ZCCHC7: variants seen among roughly 807,000 people sequenced by gnomAD.
ZCCHC7 encodes zinc finger CCHC-type containing 7, also known as zinc finger CCHC domain-containing protein 7.
In ZCCHC7, 35 loss-of-function variants were observed where a neutral mutation model predicts 52.0. The observed-to-expected ratio is 0.67, with a 90% CI of 0.51 to 0.89. The LOEUF (loss-of-function observed/expected upper bound fraction) is 0.89. Among genes scored for constraint, ZCCHC7 ranks in the 40% least tolerant of loss-of-function variants. The pLI, the probability that ZCCHC7 is intolerant of heterozygous loss-of-function variation, is 0.00. For missense variants in ZCCHC7, 574 were observed against 649.1 expected, an observed-to-expected ratio of 0.88 and a Z score of 1.26; for synonymous variants, 217 against 221.5, an observed-to-expected ratio of 0.98 and a Z score of 0.18.
rs1829008728 is a variant in ZCCHC7, at chr9:37,301,010, C to T, written c.611-1178C>T. Among the ~76,000 whole-genome samples the T allele has an allele frequency of 2.6e-5, 4 of 151,996 alleles. No homozygotes were observed. In the South Asian group the frequency reaches 8.3e-4, roughly 32 times the overall value. On this transcript the variant is annotated intron_variant, in intron 2 of 8. Transcript: ENST00000336755. ...GCCTCCTTTTTTTTCTTTTATTTTG[C>T]TGTTTTTGATGTTATAAAATACAGT... is the stretch of plus-strand genomic sequence containing the variant.
At chr9:37,158,845 A>C (rs568563912) in intron 2 of ZCCHC7, among the ~76,000 whole-genome samples, 1 of 152,336 alleles carries the variant, frequency 6.6e-6, no homozygotes, top group African/African-American at 2.4e-5. Flanking sequence ...AAAAAATATT[A>C]GTTTGTCTGC....
In ZCCHC7 at chr9:37,286,175, A is replaced by T. The variant is rs183699151; in HGVS notation, c.611-16013A>T. On this transcript the variant is annotated intron_variant, in intron 2 of 8. Coordinates refer to ENST00000336755, the MANE Select transcript of ZCCHC7 (RefSeq NM_032226.3). ...ACTATTAATAAAATAATTTAGGGAG[A>T]TTATATAGCATATTGGTTAAGAGCA... Among the ~76,000 whole-genome samples, 4 of 152,316 alleles carry T rather than the reference A, an allele frequency of 2.6e-5. No individual in the cohort carries two copies. In the East Asian group the frequency reaches 7.7e-4, roughly 29 times the overall value.
intron 2 of ZCCHC7, among the ~76,000 whole-genome samples, chr9:37,150,602 TCA>T (rs1820463137): frequency 6.6e-6 from 1 of 152,152 alleles, no homozygotes; most frequent in Non-Finnish European, 1.5e-5. Context: ...TATTTTTGCA[TCA>T]CACATTAAAA....
At chr9:37,286,136 G>C (rs1014635036) in intron 2 of ZCCHC7, among the ~76,000 whole-genome samples, 1 of 152,168 alleles carries the variant, frequency 6.6e-6, no homozygotes, top group Non-Finnish European at 1.5e-5. Context: ...TTTATTATTA[G>C]AGAAAGTCAG....
intron 2 of ZCCHC7, among the ~76,000 whole-genome samples, chr9:37,230,156 AAAGT>A (rs1259133902): frequency 6.6e-6 from 1 of 152,232 alleles, no homozygotes; most frequent in Non-Finnish European, 1.5e-5. Context: ...ACTTTTTTAA[AAAGT>A]AAGTAGAAGG....
At chr9:37,321,305 CT>C (rs1830045991) in intron 5 of ZCCHC7, among the ~76,000 whole-genome samples, 1 of 151,404 alleles carries the variant, frequency 6.6e-6, no homozygotes, top group African/African-American at 2.4e-5. Context: ...TTTCTTTTTC[CT>C]TTTAAGTAGA....
chr9:37,286,052 T>G (rs912617242), intron 2 of ZCCHC7, among the ~76,000 whole-genome samples: 2 of 152,238 alleles, frequency 1.3e-5, no homozygotes, highest in Non-Finnish European at 2.9e-5. Flanking sequence ...GATGCAATTT[T>G]AAACATGTTT....
At position 37,346,069 on chromosome 9, in the gene ZCCHC7, C is replaced by T. The variant is rs182265976; in HGVS notation, c.988-3288C>T. On this transcript the variant is annotated intron_variant, in intron 6 of 8. Coordinates refer to ENST00000336755, the MANE Select transcript of ZCCHC7 (RefSeq NM_032226.3). ...CCAGGCTAGAGTGCAATGGCACGAT[C>T]TCTGCTCACTGCAACCTCCGCCTCC... Among the ~76,000 whole-genome samples the T allele has an allele frequency of 2.8e-3, 423 of 152,220 alleles. 3 individuals are homozygous for T. The highest frequency in any genetic ancestry group is 9.7e-3 in the African/African-American group (404 of 41,542).
chr9:37,352,511 C>CTTTTTTTTTTTTT lies in ZCCHC7; in HGVS notation c.1084-2187_1084-2175dup, dbSNP rs869266535. 3.1e-4 allele frequency among the ~76,000 whole-genome samples: 25 copies of CTTTTTTTTTTTTT among 81,574 alleles called. 2 individuals are homozygous for CTTTTTTTTTTTTT. The highest frequency in any genetic ancestry group is 1.2e-3 in the African/African-American group (22 of 17,970). The allele number at this position is 81,574 out of a possible 152,430, so 53.5% of individuals were successfully genotyped here. ...TACCTTTGCATAATCACAATTTGCT[C>CTTTTTTTTTTTTT]TTTTTTTTTTTTTTTTTTTTTTTTG... On this transcript the variant is annotated intron_variant, in intron 7 of 8. Transcript: ENST00000336755.
At chr9:37,328,459 A>G (rs762881474) in intron 6 of ZCCHC7, among the ~76,000 whole-genome samples, 10 of 151,966 alleles carry the variant, frequency 6.6e-5, no homozygotes, top group Admixed American at 4.6e-4. Context: ...GCTCAATATT[A>G]TGAAGTTAGT....
At chr9:37,152,252 T>A (rs199738865) in intron 2 of ZCCHC7, among the ~76,000 whole-genome samples, 2 of 141,956 alleles carry the variant, frequency 1.4e-5, no homozygotes, top group Non-Finnish European at 3.1e-5. Context: ...TTTTTTTTTT[T>A]AATTTTAGAA....
At chr9:37,136,785 T>C (rs1375672397) in intron 2 of ZCCHC7, among the ~76,000 whole-genome samples, 1 of 152,092 alleles carries the variant, frequency 6.6e-6, no homozygotes, top group Non-Finnish European at 1.5e-5. Flanking sequence ...CCCACTTGAT[T>C]TTTTTGTTTT....
chr9:37,287,530 C>A (rs1246455332), intron 2 of ZCCHC7, among the ~76,000 whole-genome samples: 1 of 151,998 alleles, frequency 6.6e-6, no homozygotes, highest in African/African-American at 2.4e-5. Context: ...GCTTTGAAAA[C>A]CATGAGCCAT....
intron 2 of ZCCHC7, among the ~76,000 whole-genome samples, chr9:37,259,755 G>A (rs1826775539): frequency 6.6e-6 from 1 of 152,102 alleles, no homozygotes; most frequent in African/African-American, 2.4e-5. Context: ...TAACTTGGAA[G>A]TTGTACAACT....
At chr9:37,124,250 A>G (rs907674213) in intron 1 of ZCCHC7, among the ~76,000 whole-genome samples, 2 of 152,022 alleles carry the variant, frequency 1.3e-5, no homozygotes, top group South Asian at 2.1e-4. Context: ...TCTCATTTTA[A>G]TCAGTAGTCC....
chr9:37,152,035 A>G (rs559114324), intron 2 of ZCCHC7, among the ~76,000 whole-genome samples: 1 of 152,186 alleles, frequency 6.6e-6, no homozygotes, highest in Non-Finnish European at 1.5e-5. Flanking sequence ...TTCTAATCTG[A>G]TCTGGCAACC....
chr9:37,300,991 T>G (rs1829007619), intron 2 of ZCCHC7, among the ~76,000 whole-genome samples: 1 of 152,080 alleles, frequency 6.6e-6, no homozygotes, highest in Non-Finnish European at 1.5e-5. Context: ...TTTGGCCTCC[T>G]TTTTTTTCTT....
chr9:37,157,847 G>A (rs755695556), intron 2 of ZCCHC7, among the ~76,000 whole-genome samples: 7 of 152,204 alleles, frequency 4.6e-5, no homozygotes, highest in Non-Finnish European at 8.8e-5. Context: ...TGGTGGGATT[G>A]CAAATTGCTA....
chr9:37,236,640 C>T (rs1243701329), intron 2 of ZCCHC7, among the ~76,000 whole-genome samples: 4 of 151,994 alleles, frequency 2.6e-5, no homozygotes, highest in African/African-American at 7.2e-5. Flanking sequence ...GTGATCCGCC[C>T]GTCTCAGCCT....
Sources: allele counts gnomAD v4.1 joint callset (sites outside exome capture counted in the v4.1 genomes callset), GRCh38; gene constraint gnomAD v4.1.1; transcripts MANE v1.5; gene names NCBI Gene and HGNC (gene_info 2026-07-23, HGNC 2026-07-21).